The following STIM1 variants were observed in gnomAD, a reference collection of about 807,000 sequenced individuals.
The protein encoded by STIM1 is stromal interaction molecule 1.
STIM1 carries 25 observed loss-of-function variants against 74.7 expected under a neutral mutation model. The ratio of observed to expected loss-of-function variants is 0.33; its 90% CI spans 0.24 to 0.47. STIM1 has a LOEUF of 0.47. STIM1 is among the 20% of genes least tolerant of loss of function. The pLI, the probability that STIM1 is intolerant of heterozygous loss-of-function variation, is 1.00. For synonymous variants in STIM1, 328 were observed against 348.8 expected (o/e 0.94, Z 0.66); for missense variants, 728 against 920.8 (o/e 0.79, Z 2.71).
At chr11:4,068,242 A>G (rs550848584) in intron 5 of STIM1, among the ~76,000 whole-genome samples, 1 of 152,336 alleles carries the variant, frequency 6.6e-6, no homozygotes, top group Admixed American at 6.5e-5. Context: ...CTGGTTCCAA[A>G]TTGAACTGGA....
intron 2 of STIM1, among the ~76,000 whole-genome samples, chr11:3,994,269 T>A (rs146649227): frequency 6.6e-6 from 1 of 152,348 alleles, no homozygotes; most frequent in African/African-American, 2.4e-5. Flanking sequence ...GTCATTTTTC[T>A]CTTGCTGCTT....
At chr11:3,945,315 G>A (rs1481650324) in intron 1 of STIM1, among the ~76,000 whole-genome samples, 4 of 152,084 alleles carry the variant, frequency 2.6e-5, no homozygotes, top group African/African-American at 7.2e-5. Context: ...GGTGGCTCAC[G>A]CCTGTAATCC....
At chr11:3,857,217 TGG>T (rs2090420316) in intron 1 of STIM1, among the ~76,000 whole-genome samples, 1 of 148,944 alleles carries the variant, frequency 6.7e-6, no homozygotes, top group Non-Finnish European at 1.5e-5. Context: ...GCAGGAGCCC[TGG>T]TATACTTTTG....
At chr11:4,084,989 G>A (rs2094485029) in intron 11 of STIM1, among the ~76,000 whole-genome samples, 1 of 152,032 alleles carries the variant, frequency 6.6e-6, no homozygotes, top group Non-Finnish European at 1.5e-5. Context: ...GAAGGCTTAG[G>A]CTTCTCCCTT....
At position 4,019,848 on chromosome 11, in the gene STIM1, T is replaced by C. The variant is rs186339807; in HGVS notation, c.271-4025T>C. Among the ~76,000 whole-genome samples, 596 of 152,298 alleles carry C rather than the reference T, an allele frequency of 3.9e-3. 3 individuals carry two copies. Among genetic ancestry groups the C allele is most frequent in the Middle Eastern group, 6.8e-3 (2 of 294 alleles). ...TTTTGAAATATACACTATATTATTG[T>C]TAACTAAAATCACCCTACTGTGCAA... is the stretch of plus-strand genomic sequence containing the variant. On this transcript the variant is annotated intron_variant, in intron 2 of 12. Transcript: ENST00000526596.
chr11:3,961,397 A>G, intron 1 of STIM1: 1 of 239,906 alleles, frequency 4.2e-6, no homozygotes, highest in Non-Finnish European at 8.8e-6. Flanking sequence ...ATAACTGGGG[A>G]CATTAATATT....
intron 7 of STIM1, among the ~76,000 whole-genome samples, chr11:4,077,344 A>T (rs758389262): frequency 2.0e-5 from 3 of 152,044 alleles, no homozygotes; most frequent in Non-Finnish European, 4.4e-5. Context: ...TCAATTTAAT[A>T]TATAACAGCC....
intron 2 of STIM1, among the ~76,000 whole-genome samples, chr11:3,981,716 C>G (rs1258121466): frequency 2.6e-5 from 4 of 152,168 alleles, no homozygotes; most frequent in Non-Finnish European, 4.4e-5. Context: ...CTGACCTCCT[C>G]TGTGACCTTC....
At chr11:3,877,625 G>T (rs1014081348) in intron 1 of STIM1, among the ~76,000 whole-genome samples, 2 of 152,176 alleles carry the variant, frequency 1.3e-5, no homozygotes, top group African/African-American at 4.8e-5. Context: ...GTTTGCTTGG[G>T]TTAATCAGGT....
rs575064735 is a variant in STIM1, at chr11:3,858,506, A to G, written c.139+2097A>G. 3.3e-4 allele frequency among the ~76,000 whole-genome samples: 51 copies of G among 152,306 alleles called. No homozygotes were observed. In the South Asian group the frequency reaches 9.5e-3, roughly 28 times the overall value. On this transcript the variant is annotated intron_variant, in intron 1 of 12. Coordinates refer to ENST00000526596, the MANE Select transcript of STIM1 (RefSeq NM_001382567.1). ...AGGTTTGTGGAAACCTGGAGGTTCTAGCACTATTGTTGTGGTAGGTTTTCC... is the reference window on the plus strand; with the variant it reads ...AGGTTTGTGGAAACCTGGAGGTTCTGGCACTATTGTTGTGGTAGGTTTTCC...
At chr11:3,874,859 A>C (rs1228222569) in intron 1 of STIM1, among the ~76,000 whole-genome samples, 2 of 152,216 alleles carry the variant, frequency 1.3e-5, no homozygotes, top group African/African-American at 2.4e-5. Flanking sequence ...TTTTGGGCAA[A>C]GCCTTGGCTA....
intron 3 of STIM1, among the ~76,000 whole-genome samples, chr11:4,032,783 A>G (rs1004014879): frequency 6.6e-6 from 1 of 152,224 alleles, no homozygotes; most frequent in African/African-American, 2.4e-5. Context: ...GCTGTTGTAT[A>G]TGGTATTTTT....
intron 3 of STIM1, 88 bp from the exon 4 acceptor site, chr11:4,055,438 A>G (rs1565162018): frequency 1.0e-6 from 1 of 969,332 alleles, no homozygotes; most frequent in Non-Finnish European, 1.6e-6. Flanking sequence ...AAACACACAA[A>G]TGTGGTAAAT....
At chr11:4,021,148 G>A (rs2093952085) in intron 2 of STIM1, among the ~76,000 whole-genome samples, 1 of 151,930 alleles carries the variant, frequency 6.6e-6, no homozygotes, top group South Asian at 2.1e-4. Flanking sequence ...GGTGGTGGTG[G>A]TGGTGGTTGT....
At chr11:3,869,610 C>T (rs1188141390) in intron 1 of STIM1, among the ~76,000 whole-genome samples, 2 of 152,138 alleles carry the variant, frequency 1.3e-5, no homozygotes, top group African/African-American at 4.8e-5. Context: ...TTTAGATTGG[C>T]TGGAGAGTGG....
intron 3 of STIM1, among the ~76,000 whole-genome samples, chr11:4,028,553 C>T (rs187020137): frequency 2.1e-4 from 32 of 151,666 alleles, no homozygotes; most frequent in African/African-American, 7.3e-4. Context: ...GGATTACAGG[C>T]GTGAACCCCC....
chr11:4,018,478 A>T (rs1443968918), intron 2 of STIM1, among the ~76,000 whole-genome samples: 1 of 147,662 alleles, frequency 6.8e-6, no homozygotes, highest in African/African-American at 2.5e-5. Flanking sequence ...AAAAAAAAAA[A>T]AAAAAAAACA....
intron 1 of STIM1, among the ~76,000 whole-genome samples, chr11:3,860,322 G>C (rs1413942089): frequency 6.6e-6 from 1 of 152,158 alleles, no homozygotes; most frequent in Non-Finnish European, 1.5e-5. Flanking sequence ...ACCATCCTGT[G>C]TTATATTGTC....
chr11:3,929,834 C>T (rs181284489), intron 1 of STIM1, among the ~76,000 whole-genome samples: 87 of 152,312 alleles, frequency 5.7e-4, no homozygotes, highest in African/African-American at 2.0e-3. Flanking sequence ...CCACAGGTTA[C>T]CAAGTTTACA....
Sources: gnomAD v4.1 joint callset for allele counts (sites outside exome capture counted in the v4.1 genomes callset) on GRCh38, gnomAD v4.1.1 for gene constraint, MANE v1.5 for transcripts, NCBI Gene and HGNC (gene_info 2026-07-23, HGNC 2026-07-21) for gene names.